The following MINK1 variants were observed in gnomAD, a reference collection of about 807,000 sequenced individuals.
MINK1 encodes the protein misshapen like kinase 1, also known as misshapen-like kinase 1.
Under a neutral mutation model 178.4 loss-of-function variants are expected in MINK1, and 46 were observed. The ratio of observed to expected loss-of-function variants is 0.26; its 90% CI spans 0.20 to 0.33. The LOEUF (loss-of-function observed/expected upper bound fraction) is 0.33. Among genes scored for constraint, MINK1 ranks in the 10% least tolerant of loss-of-function variants. MINK1 has a pLI of 1.00. For missense variants in MINK1, 1,366 were observed against 1,814.9 expected, an observed-to-expected ratio of 0.75 and a Z score of 4.49; for synonymous variants, 797 against 709.7, an observed-to-expected ratio of 1.12 and a Z score of -1.96.
chr17:4,884,684 G>A (rs958323280), intron 5 of MINK1, among the ~76,000 whole-genome samples: 9 of 152,242 alleles, frequency 5.9e-5, no homozygotes, highest in South Asian at 2.1e-4. Flanking sequence ...AAGCTCTGCC[G>A]CTTCTCCACC....
At chr17:4,834,931 G>C in intron 1 of MINK1, 1 of 491,744 alleles carries the variant, frequency 2.0e-6, no homozygotes, top group Non-Finnish European at 4.1e-6. Context: ...GAGTCATGTT[G>C]TTAATTGGGT....
intron 1 of MINK1, chr17:4,861,736 G>C (rs1914200023): frequency 4.4e-6 from 1 of 226,244 alleles, no homozygotes; most frequent in South Asian, 4.2e-5. Context: ...CCTGACCTCA[G>C]GTAATCCACT....
chr17:4,864,896 T>C (rs896779534), intron 1 of MINK1, among the ~76,000 whole-genome samples: 1 of 152,168 alleles, frequency 6.6e-6, no homozygotes, highest in African/African-American at 2.4e-5. Context: ...AGCTTGAATA[T>C]GTCTTCTTCA....
chr17:4,896,973 C>T lies in MINK1; in HGVS notation c.3915+160C>T. ...CAGCCACTACCACTGCCCTGCGCTC[C>T]CTTCAGATTCCGAGGACTTCCCAGC... On this transcript the variant is annotated intron_variant, in intron 31 of 31. Coordinates refer to ENST00000355280, the MANE Select transcript of MINK1 (RefSeq NM_153827.5). This position sits in a 1 kb window ranked among gnomAD's most constrained non-coding sequence, Gnocchi z 4.6. 9.2e-7 allele frequency: 1 copy of T among 1,086,226 alleles called. No individual in the cohort carries two copies. The highest frequency in any genetic ancestry group is 1.7e-5 in the South Asian group (1 of 59,368). 67.3% of individuals were successfully genotyped at this position (1,086,226 alleles called of 1,614,324 possible).
intron 15 of MINK1, 23 bp from the exon 16 acceptor site, chr17:4,891,433 C>T (rs1356580225): frequency 1.3e-6 from 2 of 1,529,520 alleles, no homozygotes; most frequent in South Asian, 1.3e-5. Context: ...AGGCAGCCCA[C>T]CCTCCCTGGT....
rs948240754 is a variant in MINK1, at chr17:4,887,421, C to G, written c.1020-159C>G. ...TAGGAAAGGAGGACAGGACTGAAGA[C>G]TGGGCAGAAGGGGACGGTAAGTCTC... On this transcript the variant is annotated intron_variant, in intron 11 of 31. Coordinates refer to ENST00000355280, the MANE Select transcript of MINK1 (RefSeq NM_153827.5). The surrounding 1 kb of genome is among the most constrained non-coding windows in gnomAD (Gnocchi z 7.6). Among the ~76,000 whole-genome samples, 1 of 152,154 alleles carries G rather than the reference C, an allele frequency of 6.6e-6. No individual in the cohort carries two copies. The highest frequency in any genetic ancestry group is 2.4e-5 in the African/African-American group (1 of 41,428).
intron 1 of MINK1, among the ~76,000 whole-genome samples, chr17:4,857,624 G>A (rs1229147352): frequency 6.6e-6 from 1 of 151,856 alleles, no homozygotes; most frequent in Non-Finnish European, 1.5e-5. Flanking sequence ...GCACCACCAT[G>A]CCCAGCTAAT....
intron 1 of MINK1, among the ~76,000 whole-genome samples, chr17:4,874,025 G>C (rs1966944570): frequency 6.6e-6 from 1 of 152,118 alleles, no homozygotes; most frequent in African/African-American, 2.4e-5. Flanking sequence ...TAGTGCCAGA[G>C]TTGAAAACCC....
intron 1 of MINK1, among the ~76,000 whole-genome samples, chr17:4,839,158 T>G (rs1384877281): frequency 1.3e-5 from 2 of 152,300 alleles, no homozygotes; most frequent in South Asian, 2.1e-4. Flanking sequence ...TTAGCCAGGA[T>G]GGTCTTGATC....
chr17:4,881,834 G>A (rs1044555071), intron 4 of MINK1, among the ~76,000 whole-genome samples: 2 of 152,254 alleles, frequency 1.3e-5, no homozygotes, highest in African/African-American at 4.8e-5. Flanking sequence ...CCTGGGCACT[G>A]GTGCTGACAT....
chr17:4,887,465 C>CCAGAGG lies in MINK1; in HGVS notation c.1020-107_1020-102dup. 1 of 1,029,886 alleles carries CCAGAGG rather than the reference C, an allele frequency of 9.7e-7. No individual in the cohort carries two copies. The highest frequency in any genetic ancestry group is 1.4e-6 in the Non-Finnish European group (1 of 717,444). The allele number at this position is 1,029,886 out of a possible 1,614,324, so 63.8% of individuals were successfully genotyped here. ...AAGTCTCCTGGCCACCTGGGAGTGGCCAGAGGCAGAGGCTTTGATCCAGTT... is the reference window on the plus strand; with the variant it reads ...AAGTCTCCTGGCCACCTGGGAGTGGCCAGAGGCAGAGGCAGAGGCTTTGATCCAGTT... On this transcript the variant is annotated intron_variant, in intron 11 of 31. Coordinates refer to ENST00000355280, the MANE Select transcript of MINK1 (RefSeq NM_153827.5). This position sits in a 1 kb window ranked among gnomAD's most constrained non-coding sequence, Gnocchi z 7.6.
At chr17:4,892,296 G>C in intron 17 of MINK1, 62 bp downstream of exon 17, 2 of 1,504,496 alleles carry the variant, frequency 1.3e-6, no homozygotes, top group Non-Finnish European at 1.8e-6. Flanking sequence ...AGTAGGGGGG[G>C]CACAGGGACT....
rs576749085 is a variant in MINK1, at chr17:4,895,289, T to G, written c.3085+47T>G. 298 of 1,610,366 alleles carry G rather than the reference T, an allele frequency of 1.9e-4. 5 individuals are homozygous for G. Among genetic ancestry groups the G allele is most frequent in the Non-Finnish European group, 4.2e-5 (49 of 1,177,376 alleles). ...TGAGGAGGCTCTGGCGTGGCTCTTG[T>G]GCTCCTGGTTAGGTGAGGGCCTGGC... On this transcript the variant is annotated intron_variant, in intron 25 of 31. Coordinates refer to ENST00000355280, the MANE Select transcript of MINK1 (RefSeq NM_153827.5). This position sits in a 1 kb window ranked among gnomAD's most constrained non-coding sequence, Gnocchi z 4.3.
rs1969274696 is a variant in MINK1 at position 4,894,817 on chromosome 17, G to C, written c.2917+184G>C. ...GAGACCCCTCCTTCCTGTCCCACAG[G>C]ACAGGAAATGCTCAGAGTTGCCAGG... On this transcript the variant is annotated intron_variant, in intron 24 of 31. Coordinates refer to ENST00000355280, the MANE Select transcript of MINK1 (RefSeq NM_153827.5). The surrounding 1 kb of genome is among the most constrained non-coding windows in gnomAD (Gnocchi z 4.1). 1 of 636,438 alleles carries C rather than the reference G, an allele frequency of 1.6e-6. No individual in the cohort carries two copies. The highest frequency in any genetic ancestry group is 1.9e-5 in the South Asian group (1 of 51,340). 39.4% of individuals were successfully genotyped at this position (636,438 alleles called of 1,614,324 possible).
chr17:4,888,149 G>A lies in MINK1; in HGVS notation c.1230+359G>A, dbSNP rs535822591. ...GAGAATTGCTTGAACCCGGGAGGCG[G>A]AGGTTGCAGTGAGCAGAGATCACAC... On this transcript the variant is annotated intron_variant, in intron 12 of 31. Coordinates refer to ENST00000355280, the MANE Select transcript of MINK1 (RefSeq NM_153827.5). 5.3e-5 allele frequency among the ~76,000 whole-genome samples: 8 copies of A among 152,054 alleles called. No individual in the cohort carries two copies. The East Asian group carries it at 1.6e-3, about 29-fold the overall frequency.
Position 4,890,573 on chromosome 17 carries a change from G to C in MINK1, c.1404G>C (p.Gln468His). The C allele has an allele frequency of 6.3e-7, 1 of 1,578,792 alleles. No individual in the cohort carries two copies. Among genetic ancestry groups the C allele is most frequent in the Non-Finnish European group, 8.6e-7 (1 of 1,163,228 alleles). Residue 468 changes from glutamine to histidine, a missense_variant, in exon 14 of 32, where the codon CAG (glutamine) becomes CAC (histidine). This residue lies in a region of MINK1 where 11 missense variants were observed against 28.5 expected (regional missense o/e 0.39). Coordinates refer to ENST00000355280, the MANE Select transcript of MINK1 (RefSeq NM_153827.5). ...GGCAGTCAGAACGTCTCCAGAGGCA[G>C]CTGCAGCAGGAGCATGCCTACCTCA... ...EQRQSERLQR[Q>H]LQQEHAYLKS...
intron 1 of MINK1, among the ~76,000 whole-genome samples, chr17:4,870,158 T>G (rs1024375397): frequency 1.3e-5 from 2 of 151,680 alleles, no homozygotes; most frequent in African/African-American, 4.8e-5. Context: ...ATGATCCACC[T>G]GCCTCGGCCT....
chr17:4,885,475 C>G lies in MINK1; in HGVS notation c.509-8C>G. On this transcript the variant is annotated splice_polypyrimidine_tract_variant and splice_region_variant and intron_variant, in intron 6 of 31. Coordinates refer to ENST00000355280, the MANE Select transcript of MINK1 (RefSeq NM_153827.5). The surrounding 1 kb of genome is among the most constrained non-coding windows in gnomAD (Gnocchi z 5.0). The stretch of plus-strand genomic sequence containing the variant: ...CCCACACTGACCCCTCCCTCTGTGT[C>G]TTCACAGTGGATTTTGGGGTGAGTG... 1 of 1,613,554 alleles carries G rather than the reference C, an allele frequency of 6.2e-7. No homozygotes were observed. The highest frequency in any genetic ancestry group is 1.3e-5 in the African/African-American group (1 of 75,014).
intron 1 of MINK1, among the ~76,000 whole-genome samples, chr17:4,852,413 T>G (rs1378474383): frequency 1.3e-5 from 2 of 151,694 alleles, no homozygotes; most frequent in Non-Finnish European, 2.9e-5. Context: ...TACAGGGTAT[T>G]GTGGGAGGAG....
Sources: allele counts gnomAD v4.1 joint callset (sites outside exome capture counted in the v4.1 genomes callset), GRCh38; gene constraint gnomAD v4.1.1; regional missense constraint gnomAD v4.1.1; non-coding constraint Gnocchi (gnomAD v3.1); transcripts MANE v1.5; gene names NCBI Gene and HGNC (gene_info 2026-07-23, HGNC 2026-07-21).